The following TMEM132D variants were observed in gnomAD, a reference collection of about 807,000 sequenced individuals.
TMEM132D encodes the protein mature OL transmembrane protein.
A neutral mutation model predicts 62.3 loss-of-function variants in TMEM132D; 21 were observed. That is an observed-to-expected ratio of 0.34 (90% confidence interval 0.24 to 0.49). TMEM132D has a LOEUF of 0.49. Ranked by LOEUF, TMEM132D falls within the 20% of genes least tolerant of loss-of-function variation. TMEM132D has a pLI of 0.99. For missense variants in TMEM132D, 1,346 were observed against 1,402.8 expected (o/e 0.96, Z 0.65); for synonymous variants, 621 against 575.6 (o/e 1.08, Z -1.13).
chr12:129,523,839 C>T (rs185300930), intron 3 of TMEM132D, among the ~76,000 whole-genome samples: 90 of 152,254 alleles, frequency 5.9e-4, no homozygotes, highest in Non-Finnish European at 4.7e-4. Flanking sequence ...AGGCCATATG[C>T]TTGAATTACT....
At chr12:129,327,395 A>G (rs1469480959) in intron 4 of TMEM132D, among the ~76,000 whole-genome samples, 1 of 152,216 alleles carries the variant, frequency 6.6e-6, no homozygotes, top group African/African-American at 2.4e-5. Context: ...GTCTAACCTG[A>G]TAGCCACTAG....
At chr12:129,547,578 CA>C (rs1876772707) in intron 2 of TMEM132D, among the ~76,000 whole-genome samples, 1 of 152,330 alleles carries the variant, frequency 6.6e-6, no homozygotes, top group South Asian at 2.1e-4. Flanking sequence ...GGGTTCTCTG[CA>C]AACTTCAGTG....
intron 3 of TMEM132D, among the ~76,000 whole-genome samples, chr12:129,460,318 C>T (rs891364249): frequency 3.9e-5 from 6 of 152,120 alleles, no homozygotes; most frequent in Admixed American, 3.3e-4. Context: ...TGAGAACTGC[C>T]ACACATCTCC....
At chr12:129,653,692 A>G (rs531888258) in intron 2 of TMEM132D, among the ~76,000 whole-genome samples, 10 of 152,302 alleles carry the variant, frequency 6.6e-5, no homozygotes, top group Middle Eastern at 3.4e-3. Context: ...CCTTTTAAAA[A>G]TAAACCTTTT....
At chr12:129,289,559 A>G (rs1298216154) in intron 4 of TMEM132D, among the ~76,000 whole-genome samples, 1 of 148,442 alleles carries the variant, frequency 6.7e-6, no homozygotes, top group Admixed American at 6.9e-5. Flanking sequence ...AAAAAAAAAA[A>G]AAAAAGAAAA....
In TMEM132D at chr12:129,407,244, G is replaced by A. The variant is rs11829755; in HGVS notation, c.1116-69427C>T. On this transcript the variant is annotated intron_variant, in intron 3 of 8. Coordinates refer to ENST00000422113, the MANE Select transcript of TMEM132D (RefSeq NM_133448.3). Reference sequence around the variant, plus strand: ...AAAGACTGCAGCCCAACTCCATATCGAATTAATATAATGAATACAGAGGAG... The same window carrying A: ...AAAGACTGCAGCCCAACTCCATATCAAATTAATATAATGAATACAGAGGAG... 2.4e-3 allele frequency among the ~76,000 whole-genome samples: 362 copies of A among 152,240 alleles called. 1 individual carries two copies. The highest frequency in any genetic ancestry group is 8.3e-3 in the African/African-American group (343 of 41,554).
chr12:129,817,881 T>G lies in TMEM132D; in HGVS notation c.79+85380A>C, dbSNP rs368307814. On this transcript the variant is annotated intron_variant, in intron 1 of 8. Coordinates refer to ENST00000422113, the MANE Select transcript of TMEM132D (RefSeq NM_133448.3). ...GGTGTGAGGTGTATGTGTGTGTGTGTGGTGTGGGGGTTTGTGTGTGCCTAT... is the reference window on the plus strand; with the variant it reads ...GGTGTGAGGTGTATGTGTGTGTGTGGGGTGTGGGGGTTTGTGTGTGCCTAT... Among the ~76,000 whole-genome samples, 24 of 146,058 alleles carry G rather than the reference T, an allele frequency of 1.6e-4. No individual in the cohort carries two copies. The East Asian group carries it at 4.0e-3, about 24-fold the overall frequency.
At chr12:129,082,141 A>G in intron 6 of TMEM132D, 109 bp from the exon 7 acceptor site, 1 of 1,378,720 alleles carries the variant, frequency 7.3e-7, no homozygotes, top group East Asian at 2.3e-5. Flanking sequence ...ATGAGACTTC[A>G]AGGAGTTTAT....
At chr12:129,354,030 G>A (rs1044831137) in intron 3 of TMEM132D, among the ~76,000 whole-genome samples, 3 of 151,946 alleles carry the variant, frequency 2.0e-5, no homozygotes, top group Admixed American at 2.0e-4. Context: ...ACCAGAAAGG[G>A]ATGCACTTAA....
At chr12:129,642,267 G>C (rs1019624494) in intron 2 of TMEM132D, among the ~76,000 whole-genome samples, 1 of 152,222 alleles carries the variant, frequency 6.6e-6, no homozygotes, top group Non-Finnish European at 1.5e-5. Context: ...ACTTTCTGTG[G>C]TTGCTAAAAA....
intron 5 of TMEM132D, among the ~76,000 whole-genome samples, chr12:129,107,142 G>A (rs1181199739): frequency 1.3e-5 from 2 of 152,198 alleles, no homozygotes; most frequent in African/African-American, 4.8e-5. Context: ...ATGTGCAAGA[G>A]CTCTAATAGG....
At chr12:129,459,881 G>A (rs757273929) in intron 3 of TMEM132D, among the ~76,000 whole-genome samples, 2 of 152,228 alleles carry the variant, frequency 1.3e-5, no homozygotes, top group East Asian at 1.9e-4. Context: ...GAAAACATCC[G>A]ATTAGGATTT....
At chr12:129,478,163 G>A (rs1022913816) in intron 3 of TMEM132D, among the ~76,000 whole-genome samples, 5 of 152,160 alleles carry the variant, frequency 3.3e-5, no homozygotes, top group African/African-American at 1.2e-4. Flanking sequence ...TAAAAGGTGC[G>A]CCTGTATAGG....
chr12:129,386,314 A>G (rs1342109789), intron 3 of TMEM132D, among the ~76,000 whole-genome samples: 9 of 152,218 alleles, frequency 5.9e-5, no homozygotes, highest in Non-Finnish European at 4.4e-5. Flanking sequence ...TAATGCCAGC[A>G]CTAACACTAA....
In TMEM132D at chr12:129,605,604, T is replaced by TATATATACACAC. The variant is rs150550863; in HGVS notation, c.969-74400_969-74399insGTGTGTATATAT. ...ATTAGGCATTATATATATATATATA[T>TATATATACACAC]ACACACACATATATATATACACACA... On this transcript the variant is annotated intron_variant, in intron 2 of 8. Transcript: ENST00000422113. Among the ~76,000 whole-genome samples the TATATATACACAC allele has an allele frequency of 6.4e-3, 681 of 106,238 alleles. 17 individuals carry two copies. The highest frequency in any genetic ancestry group is 0.023 in the African/African-American group (604 of 25,704). The allele number at this position is 106,238 out of a possible 152,430, so 69.7% of individuals were successfully genotyped here.
chr12:129,498,905 CCCT>C (rs1875043801), intron 3 of TMEM132D, among the ~76,000 whole-genome samples: 2 of 152,158 alleles, frequency 1.3e-5, no homozygotes, highest in Admixed American at 6.5e-5. Context: ...AGGGCTCTCT[CCCT>C]CCTCATCTCT....
At chr12:129,326,785 C>A (rs527759063) in intron 4 of TMEM132D, among the ~76,000 whole-genome samples, 38 of 152,152 alleles carry the variant, frequency 2.5e-4, no homozygotes, top group African/African-American at 8.0e-4. Flanking sequence ...GAAATAAGAA[C>A]CATAATTAAC....
intron 2 of TMEM132D, among the ~76,000 whole-genome samples, chr12:129,568,360 A>G (rs1877423191): frequency 6.6e-6 from 1 of 152,240 alleles, no homozygotes; most frequent in Admixed American, 6.5e-5. Flanking sequence ...CAACGCACTG[A>G]CAAACGCAAT....
chr12:129,478,216 G>A (rs956202075), intron 3 of TMEM132D, among the ~76,000 whole-genome samples: 4 of 152,200 alleles, frequency 2.6e-5, no homozygotes, highest in African/African-American at 9.6e-5. Context: ...AAGTTTCTCT[G>A]GGTGAGTCAG....
Sources: allele counts gnomAD v4.1 joint callset (sites outside exome capture counted in the v4.1 genomes callset), GRCh38; gene constraint gnomAD v4.1.1; transcripts MANE v1.5; gene names NCBI Gene and HGNC (gene_info 2026-07-23, HGNC 2026-07-21).